The following PDIA6 variants were observed in gnomAD, a reference collection of about 807,000 sequenced individuals.
PDIA6 encodes the protein protein disulfide-isomerase A6.
In PDIA6, 29 loss-of-function variants were observed where a neutral mutation model predicts 58.4. The ratio of observed to expected loss-of-function variants is 0.50; its 90% CI spans 0.37 to 0.68. The LOEUF is 0.68. Among genes scored for constraint, PDIA6 ranks in the 30% least tolerant of loss-of-function variants. The probability of loss-of-function intolerance (pLI) is 0.00; values close to 1 mark genes in which losing one functional copy is unlikely to be tolerated. For synonymous variants in PDIA6, 192 were observed against 202.6 expected (o/e 0.95, Z 0.44); for missense variants, 480 against 551.0 (o/e 0.87, Z 1.29).
intron 8 of PDIA6, among the ~76,000 whole-genome samples, chr2:10,789,191 A>G (rs11901664): frequency 0.21 from 31,448 of 152,062 alleles, 7,655 homozygotes; most frequent in African/African-American, 0.59. Context: ...GTGGTGGTGG[A>G]GGTGGGGTGA....
chr2:10,827,552 G>A (rs1417484394), intron 1 of PDIA6, among the ~76,000 whole-genome samples: 1 of 152,022 alleles, frequency 6.6e-6, no homozygotes, highest in Non-Finnish European at 1.5e-5. Context: ...GGCTGGATGT[G>A]GTGGCTCACA....
intron 1 of PDIA6, among the ~76,000 whole-genome samples, chr2:10,806,073 A>G (rs1666728341): frequency 6.6e-6 from 1 of 151,110 alleles, no homozygotes; most frequent in Admixed American, 6.6e-5. Flanking sequence ...ATACGGATAT[A>G]AAAGAAAATA....
rs1240072079 is a variant in PDIA6 at position 10,803,958 on chromosome 2, G to C, written c.20-1318C>G. Among the ~76,000 whole-genome samples, 4 of 135,412 alleles carry C rather than the reference G, an allele frequency of 3.0e-5. No homozygotes were observed. In the East Asian group the frequency reaches 6.7e-4, roughly 23 times the overall value. 88.8% of individuals were successfully genotyped at this position (135,412 alleles called of 152,430 possible). Reference sequence around the variant, plus strand: ...GAGTCTTGCTCTGTCACCCAGGCTGGAGTGCATTGGCGCTATCTCGGCTCA... The same window carrying C: ...GAGTCTTGCTCTGTCACCCAGGCTGCAGTGCATTGGCGCTATCTCGGCTCA... On this transcript the variant is annotated intron_variant, in intron 1 of 12. Transcript: ENST00000272227.
At chr2:10,820,563 C>T (rs903863388) in intron 1 of PDIA6, among the ~76,000 whole-genome samples, 3 of 152,126 alleles carry the variant, frequency 2.0e-5, no homozygotes, top group African/African-American at 7.2e-5. Context: ...TTCTAGTTGT[C>T]TTTGTTTATC....
rs745463882 is a variant in PDIA6, at chr2:10,788,867, G to A, written c.925+30C>T. On this transcript the variant is annotated intron_variant, in intron 9 of 12. Coordinates refer to ENST00000272227, the MANE Select transcript of PDIA6 (RefSeq NM_005742.4). ...TTCTCAGAGCATCTAGCATAGAACA[G>A]CTAAGGGAAATCATTTCCGTCTGTC... 2.5e-6 allele frequency: 4 copies of A among 1,583,974 alleles called. No homozygotes were observed. The Admixed American group carries it at 6.7e-5, about 26-fold the overall frequency.
chr2:10,814,138 C>T (rs1387446514), upstream of PDIA6, among the ~76,000 whole-genome samples: 1 of 152,132 alleles, frequency 6.6e-6, no homozygotes, highest in Non-Finnish European at 1.5e-5. Flanking sequence ...GTAATTTCTC[C>T]ATATTGTAGT....
At chr2:10,829,226 C>T (rs1667638250) in intron 1 of PDIA6, among the ~76,000 whole-genome samples, 1 of 152,144 alleles carries the variant, frequency 6.6e-6, no homozygotes, top group Non-Finnish European at 1.5e-5. Context: ...CCCCTGATGT[C>T]CTCTCTCCCA....
chr2:10,810,226 C>G lies in PDIA6; in HGVS notation c.19+2452G>C, dbSNP rs1364742635. On this transcript the variant is annotated intron_variant, in intron 1 of 12. Coordinates refer to ENST00000272227, the MANE Select transcript of PDIA6 (RefSeq NM_005742.4). Reference sequence around the variant, plus strand: ...TTTCACAGACCAGGAAACTTTAACACAGAAAGGATAACTTACCTAAGATCA... The same window carrying G: ...TTTCACAGACCAGGAAACTTTAACAGAGAAAGGATAACTTACCTAAGATCA... 2.0e-5 allele frequency: 27 copies of G among 1,328,370 alleles called. 2 individuals are homozygous for G. The Middle Eastern group carries it at 5.3e-4, about 26-fold the overall frequency. The allele number at this position is 1,328,370 out of a possible 1,614,324, so 82.3% of individuals were successfully genotyped here.
chr2:10,789,656 G>A (rs1238150311), intron 8 of PDIA6, 93 bp downstream of exon 8: 2 of 1,119,070 alleles, frequency 1.8e-6, no homozygotes, highest in Non-Finnish European at 2.6e-6. Flanking sequence ...GTATCTTTAA[G>A]GGCATAAAAT....
At chr2:10,803,151 T>C (rs1666584806) in intron 1 of PDIA6, among the ~76,000 whole-genome samples, 1 of 152,150 alleles carries the variant, frequency 6.6e-6, no homozygotes, top group African/African-American at 2.4e-5. Context: ...TCAAGGGCAA[T>C]GGTAATTTAT....
intron 1 of PDIA6, among the ~76,000 whole-genome samples, chr2:10,824,300 C>G (rs1667488401): frequency 6.6e-6 from 1 of 152,222 alleles, no homozygotes; most frequent in African/African-American, 2.4e-5. Context: ...TGCCCCATCC[C>G]TGGGGGCAGC....
chr2:10,824,685 A>AGTGGG (rs1455952815), intron 1 of PDIA6, among the ~76,000 whole-genome samples: 35 of 152,266 alleles, frequency 2.3e-4, no homozygotes, highest in Non-Finnish European at 1.5e-4. Flanking sequence ...ATGAAGCTGA[A>AGTGGG]GCGGGGCAGA....
At chr2:10,789,658 G>T in intron 8 of PDIA6, 91 bp downstream of exon 8, 1 of 1,139,716 alleles carries the variant, frequency 8.8e-7, no homozygotes, top group Non-Finnish European at 1.3e-6. Context: ...ATCTTTAAGG[G>T]CATAAAATGA....
intron 4 of PDIA6, among the ~76,000 whole-genome samples, chr2:10,794,694 C>T (rs1013786482): frequency 6.6e-6 from 1 of 151,414 alleles, no homozygotes; most frequent in South Asian, 2.1e-4. Context: ...TTTGGGAGGC[C>T]GAGGCAGGCG....
upstream of PDIA6, among the ~76,000 whole-genome samples, chr2:10,835,849 G>C (rs1667821373): frequency 6.6e-6 from 1 of 152,184 alleles, no homozygotes; most frequent in African/African-American, 2.4e-5. Flanking sequence ...TCAGGAGTTC[G>C]AGACCTGCCT....
intron 2 of PDIA6, among the ~76,000 whole-genome samples, chr2:10,818,694 A>AT (rs982035649): frequency 1.3e-5 from 2 of 148,896 alleles, no homozygotes; most frequent in Non-Finnish European, 1.5e-5. Flanking sequence ...CTAATTTTGT[A>AT]TTTTTTTTAG....
At chr2:10,797,885 C>G (rs1195078443) in intron 2 of PDIA6, 128 bp from the exon 3 acceptor site, 1 of 705,922 alleles carries the variant, frequency 1.4e-6, no homozygotes, top group Non-Finnish European at 2.4e-6. Context: ...AGGACAAGCA[C>G]AAATAAAACA....
At chr2:10,801,412 T>C (rs1734358) in intron 2 of PDIA6, among the ~76,000 whole-genome samples, 73,659 of 152,128 alleles carry the variant, frequency 0.48, 19,498 homozygotes, top group South Asian at 0.58. Context: ...AGTTTTCTCT[T>C]GTATGGTCGC....
intron 11 of PDIA6, chr2:10,785,241 AGCCCCCT>A (rs1665661655): frequency 1.9e-6 from 1 of 518,682 alleles, no homozygotes; most frequent in East Asian, 3.4e-5. Flanking sequence ...TTCCCAACTA[AGCCCCCT>A]GCATCAGATA....
Sources: gnomAD v4.1 joint callset for allele counts (sites outside exome capture counted in the v4.1 genomes callset) on GRCh38, gnomAD v4.1.1 for gene constraint, MANE v1.5 for transcripts, NCBI Gene and HGNC (gene_info 2026-07-23, HGNC 2026-07-21) for gene names.